LARP1: variants seen among roughly 807,000 people sequenced by gnomAD.
The protein encoded by LARP1 is la-related protein 1.
Under a neutral mutation model 122.7 loss-of-function variants are expected in LARP1, and 36 were observed. The ratio of observed to expected loss-of-function variants is 0.29; its 90% CI spans 0.22 to 0.39. The LOEUF (loss-of-function observed/expected upper bound fraction) is 0.39, where lower values mean the gene tolerates loss of function less well. Among genes scored for constraint, LARP1 ranks in the 10% least tolerant of loss-of-function variants. LARP1 has a pLI of 1.00. For synonymous variants in LARP1, 539 were observed against 528.7 expected (o/e 1.02, Z -0.27); for missense variants, 1,040 against 1,403.6 (o/e 0.74, Z 4.14).
In LARP1 at chr5:154,756,104, T is replaced by C; in HGVS notation, c.347T>C (p.Phe116Ser). The C allele has an allele frequency of 8.3e-7, 1 of 1,209,386 alleles. No homozygotes were observed. Among genetic ancestry groups the C allele is most frequent in the Non-Finnish European group, 1.1e-6 (1 of 947,992 alleles). 74.9% of individuals were successfully genotyped at this position (1,209,386 alleles called of 1,614,324 possible). A position where few individuals can be genotyped will look rare whatever the true frequency, so the allele number is the denominator to read the frequency against. ...GCCGCGGGCGCGGGGCGCCGGGACT[T>C]CGTGGAAGCCCCCCCGCCCAAGGTG... is the stretch of plus-strand genomic sequence containing the variant. ...AGAAGAGRRD[F>S]VEAPPPKVNP... The change falls in exon 1 of 19, where the codon TTC becomes TCC. Residue 116 changes from phenylalanine (F) to serine (S), a missense_variant. Physicochemically the swap from Phe to Ser is radical, Grantham distance 155. This residue lies in a region of LARP1 where 257 missense variants were observed against 273.3 expected (regional missense o/e 0.94). Coordinates refer to ENST00000518297, the MANE Select transcript of LARP1 (RefSeq NM_033551.3).
intron 1 of LARP1, among the ~76,000 whole-genome samples, chr5:154,788,261 C>CT (rs561264392): frequency 6.8e-4 from 104 of 152,340 alleles, no homozygotes; most frequent in African/African-American, 2.1e-3. Flanking sequence ...CCTAAGAACT[C>CT]TATCCTCTTG....
At chr5:154,739,482 C>T (rs1437247631) in intron 1 of LARP1, among the ~76,000 whole-genome samples, 3 of 152,206 alleles carry the variant, frequency 2.0e-5, no homozygotes, top group African/African-American at 4.8e-5. Context: ...TAATTCCTCA[C>T]ATTTATGTAG....
intron 1 of LARP1, among the ~76,000 whole-genome samples, chr5:154,767,074 T>C (rs1755013674): frequency 6.6e-6 from 1 of 152,184 alleles, no homozygotes; most frequent in Non-Finnish European, 1.5e-5. Flanking sequence ...ACTCTACCTC[T>C]GGAGGAAGAA....
intron 8 of LARP1, among the ~76,000 whole-genome samples, chr5:154,797,075 C>T (rs1757922126): frequency 2.0e-5 from 3 of 151,996 alleles, no homozygotes; most frequent in Admixed American, 6.6e-5. Context: ...AATTCTAGTT[C>T]CTTTCTTTTG....
chr5:154,803,225 C>G lies in LARP1; in HGVS notation c.2110-65C>G, dbSNP rs1758484826. On this transcript the variant is annotated intron_variant, in intron 11 of 18. Transcript: ENST00000518297. The surrounding 1 kb of genome is among the most constrained non-coding windows in gnomAD (Gnocchi z 4.4). ...CTCCAACTTCCTGCCAGTCTTGATT[C>G]CTTAAACAGGCTAGAGCAGCCTGCT... 3 of 1,604,012 alleles carry G rather than the reference C, an allele frequency of 1.9e-6. No homozygotes were observed. The highest frequency in any genetic ancestry group is 1.3e-5 in the African/African-American group (1 of 74,720).
chr5:154,725,373 AG>A (rs1756141242), intron 1 of LARP1, among the ~76,000 whole-genome samples: 1 of 135,668 alleles, frequency 7.4e-6, no homozygotes, highest in African/African-American at 2.8e-5. Context: ...TGGGTGACAG[AG>A]TGGGACTCTG....
chr5:154,782,628 G>A (rs1293043577), intron 1 of LARP1, among the ~76,000 whole-genome samples: 1 of 152,150 alleles, frequency 6.6e-6, no homozygotes, highest in Non-Finnish European at 1.5e-5. Flanking sequence ...GCTGACTGGT[G>A]GTCTGCAGCT....
At chr5:154,684,129 T>C (rs1753814997) in intron 1 of LARP1, among the ~76,000 whole-genome samples, 1 of 152,184 alleles carries the variant, frequency 6.6e-6, no homozygotes, top group Non-Finnish European at 1.5e-5. Context: ...CAGCTCCTAA[T>C]GTGTACATGA....
intron 1 of LARP1, among the ~76,000 whole-genome samples, chr5:154,733,130 C>A (rs1483981749): frequency 6.6e-6 from 1 of 152,164 alleles, no homozygotes; most frequent in East Asian, 1.9e-4. Flanking sequence ...CTAAGGTTGA[C>A]CCTTGTCTTA....
chr5:154,702,704 A>T (rs1166909046), intron 1 of LARP1, among the ~76,000 whole-genome samples: 1 of 152,188 alleles, frequency 6.6e-6, no homozygotes, highest in Non-Finnish European at 1.5e-5. Context: ...ACATATTTAC[A>T]CATCCACTTA....
intron 8 of LARP1, among the ~76,000 whole-genome samples, chr5:154,796,057 TATA>T (rs1335462408): frequency 8.5e-6 from 1 of 117,170 alleles, no homozygotes; most frequent in Non-Finnish European, 1.6e-5. Context: ...ATTTATATAT[TATA>T]TATTTATATA....
chr5:154,785,031 T>C (rs771900887), intron 1 of LARP1, among the ~76,000 whole-genome samples: 1 of 152,222 alleles, frequency 6.6e-6, no homozygotes, highest in Non-Finnish European at 1.5e-5. Context: ...GCCTTCGCCA[T>C]GTTCTTCCTT....
chr5:154,814,121 A>AG lies in LARP1; in HGVS notation c.*31dup. On this transcript the variant is annotated 3_prime_UTR_variant, in exon 19 of 19. Transcript: ENST00000518297. ...AAAAGCTCCTTAGCCCTGGGGCTTG[A>AG]GGGGGGAAAGGGGTAGGGTGGGTAA... 1 of 1,552,970 alleles carries AG rather than the reference A, an allele frequency of 6.4e-7. No homozygotes were observed. Among genetic ancestry groups the AG allele is most frequent in the East Asian group, 2.4e-5 (1 of 41,612 alleles).
At chr5:154,757,741 A>C (rs1754092305) in intron 1 of LARP1, among the ~76,000 whole-genome samples, 1 of 151,104 alleles carries the variant, frequency 6.6e-6, no homozygotes, top group African/African-American at 2.4e-5. Context: ...AGGAGGGGAC[A>C]TTTGGGGTTT....
chr5:154,793,656 A>C lies in LARP1; in HGVS notation c.801A>C (p.Lys267Asn), dbSNP rs779111272. Residue 267 changes from lysine to asparagine, a missense_variant, in exon 5 of 19, where the codon AAA (lysine) becomes AAC (asparagine). By Grantham distance (94) the Lys-to-Asn change is moderately conservative. Around this residue, in one of 8 missense-constraint regions of LARP1, gnomAD observed 178 missense variants for 178.3 expected, o/e 1.00. Coordinates refer to ENST00000518297, the MANE Select transcript of LARP1 (RefSeq NM_033551.3). ...TGAAGCCTGAAGTGCCCAGAGAGAA[A>C]CTGGCTTCACGCCCCACTCGCCCAC... The part of the protein sequence containing the change: ...IDMKPEVPRE[K>N]LASRPTRPPE... 3 of 1,614,138 alleles carry C rather than the reference A, an allele frequency of 1.9e-6. No homozygotes were observed. In the South Asian group the frequency reaches 3.3e-5, roughly 18 times the overall value.
chr5:154,774,062 T>TG (rs1296741675), intron 1 of LARP1, among the ~76,000 whole-genome samples: 23 of 151,900 alleles, frequency 1.5e-4, no homozygotes, highest in Admixed American at 1.4e-3. Flanking sequence ...TTTTTTTTTT[T>TG]TTGTTTCTCC....
chr5:154,793,467 G>T, intron 4 of LARP1, 128 bp from the exon 5 acceptor site: 1 of 1,151,436 alleles, frequency 8.7e-7, no homozygotes, highest in Non-Finnish European at 1.3e-6. Flanking sequence ...TGTGGGAAAG[G>T]GATCTGCCCA....
upstream of LARP1, among the ~76,000 whole-genome samples, chr5:154,708,878 T>G (rs1755078178): frequency 1.3e-5 from 2 of 152,244 alleles, no homozygotes; most frequent in Non-Finnish European, 2.9e-5. Context: ...CCCAAAGTGC[T>G]GTGATTACAG....
chr5:154,759,470 A>G (rs1754269637), intron 1 of LARP1, among the ~76,000 whole-genome samples: 1 of 152,198 alleles, frequency 6.6e-6, no homozygotes, highest in Non-Finnish European at 1.5e-5. Flanking sequence ...GACTCTTAAG[A>G]ATTAGCTATT....
Sources: allele counts gnomAD v4.1 joint callset (sites outside exome capture counted in the v4.1 genomes callset), GRCh38; gene constraint gnomAD v4.1.1; regional missense constraint gnomAD v4.1.1; non-coding constraint Gnocchi (gnomAD v3.1); transcripts MANE v1.5; gene names NCBI Gene and HGNC (gene_info 2026-07-23, HGNC 2026-07-21).